The following UPP2 variants were observed in gnomAD, a reference collection of about 807,000 sequenced individuals.
UPP2 encodes UPase 2.
In UPP2, 23 loss-of-function variants were observed where a neutral mutation model predicts 26.7. The ratio of observed to expected loss-of-function variants is 0.86; its 90% confidence interval spans 0.62 to 1.22. UPP2 has a LOEUF of 1.22. Ranked by LOEUF, UPP2 falls within the 50% of genes most tolerant of loss-of-function variation. The pLI is 0.00. For synonymous variants in UPP2, 127 were observed against 141.3 expected (o/e 0.90, Z 0.72); for missense variants, 387 against 396.7 (o/e 0.98, Z 0.21).
At chr2:158,069,289 G>A (rs1487471650) in intron 3 of UPP2, among the ~76,000 whole-genome samples, 4 of 152,178 alleles carry the variant, frequency 2.6e-5, no homozygotes. Context: ...TCCATGAAAT[G>A]AAGCTGGGCC....
intron 3 of UPP2, among the ~76,000 whole-genome samples, chr2:158,091,566 T>C (rs762126089): frequency 6.6e-6 from 1 of 152,216 alleles, no homozygotes; most frequent in African/African-American, 2.4e-5. Flanking sequence ...GCCACAATAA[T>C]GCTATTGCCA....
chr2:158,062,643 T>C (rs1682370034), intron 3 of UPP2, among the ~76,000 whole-genome samples: 1 of 152,216 alleles, frequency 6.6e-6, no homozygotes, highest in Non-Finnish European at 1.5e-5. Context: ...CTCTCCTTTT[T>C]ACACTATCCC....
At chr2:158,091,460 A>G (rs576843008) in intron 3 of UPP2, among the ~76,000 whole-genome samples, 13 of 152,228 alleles carry the variant, frequency 8.5e-5, no homozygotes, top group Non-Finnish European at 1.2e-4. Context: ...GTTTTTAAAT[A>G]TAGGTTAATT....
intron 2 of UPP2, among the ~76,000 whole-genome samples, chr2:158,111,557 C>T (rs921901517): frequency 6.6e-6 from 1 of 152,074 alleles, no homozygotes; most frequent in Non-Finnish European, 1.5e-5. Flanking sequence ...TGCTTAGACA[C>T]TTTGCATTTA....
At chr2:158,123,628 C>T (rs769810449) in intron 5 of UPP2, 121 bp from the exon 6 acceptor site, 205 of 1,179,656 alleles carry the variant, frequency 1.7e-4, no homozygotes, top group African/African-American at 3.7e-4. Context: ...TTATCCTACA[C>T]GGGGAGCACG....
chr2:158,077,303 A>G (rs1454676171), intron 3 of UPP2, among the ~76,000 whole-genome samples: 1 of 152,132 alleles, frequency 6.6e-6, no homozygotes, highest in Non-Finnish European at 1.5e-5. Flanking sequence ...CCTAGAACTT[A>G]TATGAAACCA....
intron 3 of UPP2, among the ~76,000 whole-genome samples, chr2:158,081,921 T>G (rs916693900): frequency 4.6e-5 from 7 of 151,870 alleles, no homozygotes; most frequent in Non-Finnish European, 1.0e-4. Context: ...AATAGGTTTT[T>G]GGGGAACAGG....
intron 2 of UPP2, among the ~76,000 whole-genome samples, chr2:158,005,592 TG>T (rs1683475625): frequency 6.6e-6 from 1 of 152,204 alleles, no homozygotes; most frequent in Non-Finnish European, 1.5e-5. Flanking sequence ...TACTTGTTGA[TG>T]GTTTCAGTGG....
At chr2:158,062,164 A>G (rs751565156) in intron 3 of UPP2, among the ~76,000 whole-genome samples, 3 of 152,238 alleles carry the variant, frequency 2.0e-5, no homozygotes, top group Non-Finnish European at 4.4e-5. Context: ...CTGCTGTCTA[A>G]TAGAACTTTC....
chr2:158,135,476 G>A lies in UPP2; in HGVS notation c.*586G>A, dbSNP rs1406425507. 6.6e-6 allele frequency: 1 copy of A among 152,144 alleles called. No homozygotes were observed. The highest frequency in any genetic ancestry group is 1.5e-5 in the Non-Finnish European group (1 of 68,044). 9.4% of individuals were successfully genotyped at this position (152,144 alleles called of 1,614,324 possible). On this transcript the variant is annotated 3_prime_UTR_variant, in exon 7 of 7. Transcript: ENST00000005756. The stretch of plus-strand genomic sequence containing the variant: ...TATGCCTGTTTGTGATTTTATCTCA[G>A]AATATAACAACTCTGGATTACATTT...
At chr2:158,063,154 C>T (rs765955) in intron 3 of UPP2, among the ~76,000 whole-genome samples, 102,636 of 151,992 alleles carry the variant, frequency 0.68, 35,113 homozygotes, top group Admixed American at 0.73. Flanking sequence ...TCTGGAGAGC[C>T]ATTCTTCATC....
intron 2 of UPP2, among the ~76,000 whole-genome samples, chr2:158,003,989 C>G (rs1683449120): frequency 6.6e-6 from 1 of 151,970 alleles, no homozygotes; most frequent in South Asian, 2.1e-4. Context: ...TGTTATAGTG[C>G]CAACAACATG....
chr2:158,035,977 A>G (rs1225488971), intron 3 of UPP2, among the ~76,000 whole-genome samples: 1 of 152,218 alleles, frequency 6.6e-6, no homozygotes, highest in African/African-American at 2.4e-5. Flanking sequence ...ATAGTTGGCC[A>G]AAATTTACCA....
chr2:158,037,399 C>A (rs953667372), intron 3 of UPP2, among the ~76,000 whole-genome samples: 1 of 151,978 alleles, frequency 6.6e-6, no homozygotes, highest in African/African-American at 2.4e-5. Context: ...GAAAAAAATC[C>A]TTTTGGGGGG....
intron 3 of UPP2, among the ~76,000 whole-genome samples, chr2:158,042,556 C>G (rs188451732): frequency 1.1e-3 from 161 of 152,290 alleles, no homozygotes; most frequent in African/African-American, 3.6e-3. Context: ...TTTAGACAAA[C>G]AGCAGGGCTT....
intron 3 of UPP2, among the ~76,000 whole-genome samples, chr2:158,089,257 T>G (rs545144419): frequency 6.6e-6 from 1 of 151,696 alleles, no homozygotes; most frequent in Non-Finnish European, 1.5e-5. Context: ...GCCAGGAGAG[T>G]GGGGGAAAGT....
chr2:158,115,375 A>T, intron 3 of UPP2, 116 bp downstream of exon 3: 1 of 1,279,668 alleles, frequency 7.8e-7, no homozygotes, highest in Non-Finnish European at 1.0e-6. Context: ...CAATCAAACA[A>T]GGTGTCCAGG....
At chr2:158,051,157 ATGTG>A (rs57745839) in intron 3 of UPP2, among the ~76,000 whole-genome samples, 3,900 of 145,046 alleles carry the variant, frequency 0.027, 58 homozygotes, top group African/African-American at 0.042. Flanking sequence ...CTCTAGGAAT[ATGTG>A]TGTGTGTGTG....
intron 3 of UPP2, among the ~76,000 whole-genome samples, chr2:158,033,828 T>A (rs771645462): frequency 6.6e-6 from 1 of 152,224 alleles, no homozygotes; most frequent in Non-Finnish European, 1.5e-5. Flanking sequence ...AAACATGCAG[T>A]TTCACAAGGA....
Sources: gnomAD v4.1 joint callset for allele counts (sites outside exome capture counted in the v4.1 genomes callset) on GRCh38, gnomAD v4.1.1 for gene constraint, MANE v1.5 for transcripts, NCBI Gene and HGNC (gene_info 2026-07-23, HGNC 2026-07-21) for gene names.